Variants in CSMD1 observed in about 807,000 individuals in gnomAD.
CSMD1 encodes the protein CUB and Sushi multiple domains 1, also known as CUB and sushi domain-containing protein 1.
CSMD1 carries 213 observed loss-of-function variants against 417.5 expected under a neutral mutation model. That is an observed-to-expected ratio of 0.51 (90% CI 0.46 to 0.57). The LOEUF (loss-of-function observed/expected upper bound fraction) is 0.57. CSMD1 is among the 20% of genes least tolerant of loss of function. The probability of loss-of-function intolerance (pLI) is 0.00; values close to 1 mark genes in which losing one functional copy is unlikely to be tolerated. For missense variants in CSMD1, 6,923 were observed against 4,529.7 expected, an observed-to-expected ratio of 1.53 and a Z score of -15.17; for synonymous variants, 2,862 against 1,736.8, an observed-to-expected ratio of 1.65 and a Z score of -16.11.
intron 42 of CSMD1, among the ~76,000 whole-genome samples, chr8:3,112,611 G>C (rs1816585318): frequency 6.6e-6 from 1 of 152,198 alleles, no homozygotes; most frequent in Non-Finnish European, 1.5e-5. Flanking sequence ...AGTATCTACT[G>C]AGAGTGGGTT....
chr8:4,438,485 C>T (rs921077874), intron 2 of CSMD1, among the ~76,000 whole-genome samples: 1 of 152,222 alleles, frequency 6.6e-6, no homozygotes. Flanking sequence ...CGCTTGGGTT[C>T]CACAGCACCT....
intron 52 of CSMD1, among the ~76,000 whole-genome samples, chr8:3,006,819 C>A (rs1325722410): frequency 1.3e-5 from 2 of 149,246 alleles, no homozygotes; most frequent in Non-Finnish European, 2.9e-5. Context: ...CCATAAAAAC[C>A]CTAGAAGAAA....
intron 2 of CSMD1, among the ~76,000 whole-genome samples, chr8:4,587,793 T>G (rs557145308): frequency 1.3e-5 from 2 of 152,328 alleles, no homozygotes; most frequent in South Asian, 4.1e-4. Context: ...CATTATGAAC[T>G]TGTGGGTACC....
At position 3,931,561 on chromosome 8, in the gene CSMD1, G is replaced by A. The variant is rs1186922331; in HGVS notation, c.818+66342C>T. On this transcript the variant is annotated intron_variant, in intron 5 of 69. Coordinates refer to ENST00000635120, the MANE Select transcript of CSMD1 (RefSeq NM_033225.6). ...TTGTTTAACAAACTTCTTGTGGAGG[G>A]AGGTCAGGCAGCAGTCAGTGCCATG... is the stretch of plus-strand genomic sequence containing the variant. 1.3e-5 allele frequency among the ~76,000 whole-genome samples: 2 copies of A among 150,106 alleles called. 1 individual carries two copies. The highest frequency in any genetic ancestry group is 3.0e-5 in the Non-Finnish European group (2 of 67,526).
intron 3 of CSMD1, among the ~76,000 whole-genome samples, chr8:4,316,640 G>C (rs991039105): frequency 3.3e-5 from 5 of 152,108 alleles, no homozygotes; most frequent in Non-Finnish European, 7.3e-5. Flanking sequence ...GAACGACAAT[G>C]GGGTACACTG....
chr8:3,948,156 G>C (rs561273077), intron 5 of CSMD1, among the ~76,000 whole-genome samples: 2 of 152,236 alleles, frequency 1.3e-5, no homozygotes, highest in African/African-American at 4.8e-5. Flanking sequence ...AGTCAGCTGA[G>C]ATTGCACCAC....
intron 5 of CSMD1, among the ~76,000 whole-genome samples, chr8:3,804,640 C>CA (rs1800630260): frequency 6.6e-6 from 1 of 151,912 alleles, no homozygotes; most frequent in South Asian, 2.1e-4. Context: ...ATAAAATGCA[C>CA]ACATAATTCA....
intron 1 of CSMD1, among the ~76,000 whole-genome samples, chr8:4,750,624 C>G (rs1400255629): frequency 2.0e-5 from 3 of 151,912 alleles, no homozygotes; most frequent in Admixed American, 6.6e-5. Flanking sequence ...TAAGAGAATA[C>G]CAAGGACATA....
At chr8:4,776,953 C>T (rs6991428) in intron 1 of CSMD1, among the ~76,000 whole-genome samples, 106,962 of 152,076 alleles carry the variant, frequency 0.7, 39,070 homozygotes, top group Non-Finnish European at 0.8. Flanking sequence ...TGTAAAATTA[C>T]GAGCTAACAA....
intron 5 of CSMD1, among the ~76,000 whole-genome samples, chr8:3,785,751 G>A (rs1003663114): frequency 1.3e-5 from 2 of 152,190 alleles, no homozygotes; most frequent in Non-Finnish European, 2.9e-5. Context: ...CAGGAGCTAG[G>A]AAGCCTATGG....
rs151324399 is a variant in CSMD1 at position 3,531,760 on chromosome 8, C to G, written c.1345-38034G>C. Among the ~76,000 whole-genome samples, 892 of 152,316 alleles carry G rather than the reference C, an allele frequency of 5.9e-3. 43 individuals are homozygous for G. In the East Asian group the frequency reaches 0.13, roughly 23 times the overall value. On this transcript the variant is annotated intron_variant, in intron 10 of 69. Coordinates refer to ENST00000635120, the MANE Select transcript of CSMD1 (RefSeq NM_033225.6). ...TCACTTCTTTTCTAACAAAGAGCAG[C>G]CTGGAAGATCGGGCTGCAAACATAG...
chr8:4,911,275 C>G (rs1396195780), intron 1 of CSMD1, among the ~76,000 whole-genome samples: 1 of 152,170 alleles, frequency 6.6e-6, no homozygotes, highest in African/African-American at 2.4e-5. Flanking sequence ...TAATTTCTGC[C>G]TATACATACT....
At chr8:4,090,749 T>C (rs1025591406) in intron 3 of CSMD1, among the ~76,000 whole-genome samples, 6 of 152,144 alleles carry the variant, frequency 3.9e-5, no homozygotes, top group African/African-American at 1.4e-4. Context: ...CCAACACATA[T>C]AAAAATTGAA....
At chr8:4,363,182 G>A (rs997315637) in intron 3 of CSMD1, among the ~76,000 whole-genome samples, 13 of 152,110 alleles carry the variant, frequency 8.5e-5, no homozygotes, top group African/African-American at 2.9e-4. Flanking sequence ...GCTTAAACAG[G>A]AAATGCCACC....
At chr8:3,878,061 G>T (rs185106144) in intron 5 of CSMD1, among the ~76,000 whole-genome samples, 4 of 151,874 alleles carry the variant, frequency 2.6e-5, no homozygotes, top group Non-Finnish European at 4.4e-5. Context: ...TATTCATGCT[G>T]GGTGGTCATG....
intron 5 of CSMD1, among the ~76,000 whole-genome samples, chr8:3,824,355 G>T (rs940152453): frequency 6.6e-6 from 1 of 152,148 alleles, no homozygotes; most frequent in South Asian, 2.1e-4. Flanking sequence ...TGCAAAGTTT[G>T]TCAAATGACG....
intron 3 of CSMD1, among the ~76,000 whole-genome samples, chr8:4,117,025 T>A (rs1273208887): frequency 1.3e-5 from 2 of 151,974 alleles, no homozygotes; most frequent in East Asian, 1.9e-4. Flanking sequence ...CCTTTTTTTT[T>A]CTTTTCGCAG....
intron 12 of CSMD1, among the ~76,000 whole-genome samples, chr8:3,429,606 G>C (rs757892085): frequency 6.6e-6 from 1 of 152,160 alleles, no homozygotes; most frequent in Non-Finnish European, 1.5e-5. Context: ...TCAATATCTT[G>C]ACGAGGGGTG....
intron 5 of CSMD1, among the ~76,000 whole-genome samples, chr8:3,954,769 A>G (rs569480604): frequency 6.6e-6 from 1 of 151,668 alleles, no homozygotes; most frequent in Non-Finnish European, 1.5e-5. Flanking sequence ...AGCATGCGTA[A>G]TGTGGCAGGG....
Sources: gnomAD v4.1 joint callset for allele counts (sites outside exome capture counted in the v4.1 genomes callset) on GRCh38, gnomAD v4.1.1 for gene constraint, MANE v1.5 for transcripts, NCBI Gene and HGNC (gene_info 2026-07-23, HGNC 2026-07-21) for gene names.